PRMT3: variants seen among roughly 807,000 people sequenced by gnomAD.
PRMT3 encodes protein arginine N-methyltransferase 3.
In PRMT3, 62 loss-of-function variants were observed where a neutral mutation model predicts 71.9. That is an observed-to-expected ratio of 0.86 (90% CI 0.70 to 1.07). The LOEUF is 1.07. Ranked by LOEUF, PRMT3 falls within the 50% of genes least tolerant of loss-of-function variation. PRMT3 has a pLI of 0.00. For synonymous variants in PRMT3, 213 were observed against 220.4 expected (o/e 0.97, Z 0.30); for missense variants, 663 against 643.0 (o/e 1.03, Z -0.34).
intron 8 of PRMT3, among the ~76,000 whole-genome samples, chr11:20,404,221 T>TTTTGTTTTG (rs1849017514): frequency 1.0e-3 from 8 of 7,898 alleles, no homozygotes; most frequent in African/African-American, 1.8e-3. Context: ...GTTTTTTTTT[T>TTTTGTTTTG]TTTTTTTTTT....
chr11:20,429,361 G>A (rs1236608094), intron 10 of PRMT3, among the ~76,000 whole-genome samples: 1 of 152,192 alleles, frequency 6.6e-6, no homozygotes, highest in Admixed American at 6.5e-5. Flanking sequence ...GGTAATGCTG[G>A]CCTGCCACTC....
chr11:20,504,373 T>C (rs531408096), intron 15 of PRMT3, among the ~76,000 whole-genome samples: 4 of 152,300 alleles, frequency 2.6e-5, no homozygotes, highest in Admixed American at 6.5e-5. Flanking sequence ...CTTGTGCCTT[T>C]AAGACAGTCT....
At chr11:20,443,206 T>TGG (rs1266944719) in intron 10 of PRMT3, among the ~76,000 whole-genome samples, 1 of 152,218 alleles carries the variant, frequency 6.6e-6, no homozygotes, top group African/African-American at 2.4e-5. Flanking sequence ...GTTGTATGTT[T>TGG]GGGGCCTGTC....
chr11:20,500,783 AAAT>A (rs1851440465), intron 15 of PRMT3, among the ~76,000 whole-genome samples: 1 of 152,238 alleles, frequency 6.6e-6, no homozygotes, highest in Admixed American at 6.5e-5. Context: ...CTTCTGGAAG[AAAT>A]AATATTTGAG....
Position 20,389,791 on chromosome 11 carries a change from A to G in PRMT3, c.212A>G (p.His71Arg), listed in dbSNP as rs1848672657. The change falls in exon 3 of 16, where the codon CAT (histidine) becomes CGT (arginine). Residue 71 changes from histidine to arginine, a missense_variant. Physicochemically the swap from His to Arg is conservative, Grantham distance 29 (BLOSUM62 0). Transcript: ENST00000331079. Reference protein sequence around the residue: ...EETFSHCKSEHQFNIDSMVHK... With the variant: ...EETFSHCKSERQFNIDSMVHK... ...ACATTTTCACACTGTAAGTCTGAGC[A>G]TCAGTTTAATATTGACAGCATGGTT... 6.2e-7 allele frequency: 1 copy of G among 1,612,324 alleles called. No homozygotes were observed. Among genetic ancestry groups the G allele is most frequent in the East Asian group, 2.2e-5 (1 of 44,876 alleles).
chr11:20,477,341 T>A (rs1850816091), intron 13 of PRMT3, among the ~76,000 whole-genome samples: 1 of 152,048 alleles, frequency 6.6e-6, no homozygotes, highest in Non-Finnish European at 1.5e-5. Flanking sequence ...TTTTGGAGGC[T>A]GAGGCGGGCA....
intron 13 of PRMT3, among the ~76,000 whole-genome samples, chr11:20,484,638 T>G (rs1387124024): frequency 6.6e-6 from 1 of 152,170 alleles, no homozygotes; most frequent in Non-Finnish European, 1.5e-5. Flanking sequence ...ACCATGATTG[T>G]GAGACTTCCC....
intron 9 of PRMT3, among the ~76,000 whole-genome samples, chr11:20,415,037 T>G (rs1849273998): frequency 1.3e-5 from 1 of 76,974 alleles, no homozygotes; most frequent in Non-Finnish European, 4.6e-5. Context: ...TGTGTGTGTG[T>G]GTGTGTGTGT....
intron 13 of PRMT3, among the ~76,000 whole-genome samples, chr11:20,482,333 T>C (rs7940818): frequency 0.077 from 11,343 of 146,814 alleles, 535 homozygotes; most frequent in East Asian, 0.2. Flanking sequence ...GAGTGGAATC[T>C]TAAAATTCTT....
At chr11:20,426,401 A>G (rs371552018) in intron 9 of PRMT3, among the ~76,000 whole-genome samples, 5 of 152,226 alleles carry the variant, frequency 3.3e-5, no homozygotes, top group Non-Finnish European at 7.3e-5. Flanking sequence ...TCTCACCCCT[A>G]TGACAGACAC....
Position 20,452,733 on chromosome 11 carries a change from C to G in PRMT3, c.1072+525C>G, listed in dbSNP as rs1253603600. Among the ~76,000 whole-genome samples the G allele has an allele frequency of 4.6e-5, 7 of 152,316 alleles. No homozygotes were observed. In the East Asian group the frequency reaches 1.4e-3, roughly 29 times the overall value. On this transcript the variant is annotated intron_variant, in intron 11 of 15. Transcript: ENST00000331079. Reference sequence around the variant, plus strand: ...GATCCTAATAAATTTGGAAGGCTTTCTTTTCATGTCTCTGGAAAACATTTA... The same window carrying G: ...GATCCTAATAAATTTGGAAGGCTTTGTTTTCATGTCTCTGGAAAACATTTA...
At position 20,426,892 on chromosome 11, in the gene PRMT3, T is replaced by C. The variant is rs1250284273; in HGVS notation, c.993+27T>C. The C allele has an allele frequency of 2.0e-6, 3 of 1,505,464 alleles. No individual in the cohort carries two copies. In the East Asian group the frequency reaches 7.8e-5, roughly 39 times the overall value. 93.3% of individuals were successfully genotyped at this position (1,505,464 alleles called of 1,614,324 possible). A position where few individuals can be genotyped will look rare whatever the true frequency, so the allele number is the denominator to read the frequency against. ...TGAGTGTTTATAGAAAAAACTACTT[T>C]CACTGGTAAAATGAAAAAACTTTTT... On this transcript the variant is annotated intron_variant, in intron 10 of 15. Coordinates refer to ENST00000331079, the MANE Select transcript of PRMT3 (RefSeq NM_005788.4).
intron 10 of PRMT3, among the ~76,000 whole-genome samples, chr11:20,440,716 G>GA (rs1849874621): frequency 6.6e-6 from 1 of 151,888 alleles, no homozygotes; most frequent in Non-Finnish European, 1.5e-5. Context: ...ATTTTACAAA[G>GA]AAAAAATTTG....
At chr11:20,425,107 A>T (rs1489072288) in intron 9 of PRMT3, among the ~76,000 whole-genome samples, 5 of 116,296 alleles carry the variant, frequency 4.3e-5, no homozygotes, top group Admixed American at 1.8e-4. Context: ...CCCTGTCTTT[A>T]AAAAAAAAAA....
In PRMT3 at chr11:20,464,480, G is replaced by T. The variant is rs11025573; in HGVS notation, c.1281G>T (p.Thr427=). ...CGIKHIDCHT[T]SISDLEFSSD... is the part of the protein sequence containing the mutation. ...GGTAGCATATAGATTGCCATACGAC[G>T]TCTATCTCAGATTTGGAATTTTCAT... The change falls in exon 13 of 16, where the codon ACG becomes ACT. Residue 427 remains threonine (T), a synonymous_variant. Coordinates refer to ENST00000331079, the MANE Select transcript of PRMT3 (RefSeq NM_005788.4). The T allele has an allele frequency of 1.2e-6, 2 of 1,609,234 alleles. No homozygotes were observed. The highest frequency in any genetic ancestry group is 4.5e-5 in the East Asian group (2 of 44,490).
At chr11:20,467,972 A>C (rs1850552617) in intron 13 of PRMT3, among the ~76,000 whole-genome samples, 1 of 152,208 alleles carries the variant, frequency 6.6e-6, no homozygotes, top group South Asian at 2.1e-4. Context: ...CTACTTACGC[A>C]AGCATGGCCT....
At chr11:20,481,314 C>G (rs1014834979) in intron 13 of PRMT3, among the ~76,000 whole-genome samples, 1 of 150,730 alleles carries the variant, frequency 6.6e-6, no homozygotes, top group Non-Finnish European at 1.5e-5. Flanking sequence ...ACAGATGATT[C>G]TGCCCTCCTT....
intron 10 of PRMT3, among the ~76,000 whole-genome samples, chr11:20,438,419 G>A (rs1472060586): frequency 6.6e-6 from 1 of 152,076 alleles, no homozygotes; most frequent in African/African-American, 2.4e-5. Flanking sequence ...GGCCCTAAGG[G>A]TGGCAGGTGG....
intron 12 of PRMT3, 59 bp from the exon 13 acceptor site, chr11:20,464,395 TTTTTTG>T: frequency 6.6e-7 from 1 of 1,519,790 alleles, no homozygotes; most frequent in Non-Finnish European, 8.8e-7. Flanking sequence ...TTTTGTTTTA[TTTTTTG>T]TTTTTTTTTT....
Sources: allele counts gnomAD v4.1 joint callset (sites outside exome capture counted in the v4.1 genomes callset), GRCh38; gene constraint gnomAD v4.1.1; transcripts MANE v1.5; gene names NCBI Gene and HGNC (gene_info 2026-07-23, HGNC 2026-07-21).